Variants in E2F3 observed in about 807,000 individuals in gnomAD.
E2F3 encodes E2F transcription factor 3.
In E2F3, 11 loss-of-function variants were observed where a neutral mutation model predicts 44.4. That is an observed-to-expected ratio of 0.25 (90% CI 0.16 to 0.41). The LOEUF (loss-of-function observed/expected upper bound fraction) is 0.41, where lower values mean the gene tolerates loss of function less well. Among genes scored for constraint, E2F3 ranks in the 10% least tolerant of loss-of-function variants. E2F3 has a pLI of 1.00. For synonymous variants in E2F3, 249 were observed against 253.0 expected (o/e 0.98, Z 0.15); for missense variants, 487 against 583.6 (o/e 0.83, Z 1.70).
Position 20,427,814 on chromosome 6 carries a change from A to C in E2F3, c.393+25189A>C, listed in dbSNP as rs1760265281. The stretch of plus-strand genomic sequence containing the variant: ...CTCCTTGATGATATTTACTATTTAC[A>C]TTTGCATCTCTGATAGTGCTCTTTC... On this transcript the variant is annotated intron_variant, in intron 1 of 6. Transcript: ENST00000346618. Among the ~76,000 whole-genome samples, 2 of 152,078 alleles carry C rather than the reference A, an allele frequency of 1.3e-5. 1 individual carries two copies. Among genetic ancestry groups the C allele is most frequent in the South Asian group, 4.1e-4 (2 of 4,830 alleles).
At chr6:20,480,701 T>C (rs1048453746) in intron 2 of E2F3, among the ~76,000 whole-genome samples, 2 of 152,116 alleles carry the variant, frequency 1.3e-5, no homozygotes, top group African/African-American at 4.8e-5. Context: ...AAATGAAGCA[T>C]TGTTTGGAAA....
chr6:20,456,273 A>G (rs1023145346), intron 1 of E2F3, among the ~76,000 whole-genome samples: 1 of 151,772 alleles, frequency 6.6e-6, no homozygotes, highest in African/African-American at 2.4e-5. Context: ...GACCCAGGGA[A>G]CTCAACCAAG....
chr6:20,456,049 T>C (rs1244119877), intron 1 of E2F3, among the ~76,000 whole-genome samples: 1 of 152,212 alleles, frequency 6.6e-6, no homozygotes, highest in Non-Finnish European at 1.5e-5. Flanking sequence ...CCTTACTTTA[T>C]GTTCTTACCT....
At chr6:20,404,742 G>C (rs1251978426) in intron 1 of E2F3, among the ~76,000 whole-genome samples, 1 of 152,170 alleles carries the variant, frequency 6.6e-6, no homozygotes, top group Non-Finnish European at 1.5e-5. Flanking sequence ...AGTGACTAGG[G>C]TCTGCCAGCA....
chr6:20,478,482 T>C (rs779617220), intron 1 of E2F3, among the ~76,000 whole-genome samples: 1 of 152,182 alleles, frequency 6.6e-6, no homozygotes, highest in Non-Finnish European at 1.5e-5. Context: ...AAGTTATTAC[T>C]TACGTTTTCA....
At chr6:20,487,858 C>G (rs1762439965) in intron 5 of E2F3, among the ~76,000 whole-genome samples, 1 of 152,150 alleles carries the variant, frequency 6.6e-6, no homozygotes, top group Admixed American at 6.5e-5. Flanking sequence ...CAATAATAAA[C>G]AATGGGAATG....
At chr6:20,420,492 T>G (rs1156425229) in intron 1 of E2F3, among the ~76,000 whole-genome samples, 2 of 152,082 alleles carry the variant, frequency 1.3e-5, no homozygotes, top group African/African-American at 4.8e-5. Flanking sequence ...ACCTCAGAGA[T>G]ATTGCAGGTC....
chr6:20,488,065 AT>A (rs1762447112), intron 5 of E2F3, 47 bp from the exon 6 acceptor site: 1 of 1,597,928 alleles, frequency 6.3e-7, no homozygotes, highest in African/African-American at 1.4e-5. Flanking sequence ...TATGGCTTTT[AT>A]TTCTAAAAGA....
In E2F3 at chr6:20,487,842, C is replaced by G. The variant is rs1328246689; in HGVS notation, c.1000-271C>G. On this transcript the variant is annotated intron_variant, in intron 5 of 6. Coordinates refer to ENST00000346618, the MANE Select transcript of E2F3 (RefSeq NM_001949.5). ...TCTGACATTGTGATACGAAAACAGC[C>G]AGAGGCAATAATAAACAATGGGAAT... Among the ~76,000 whole-genome samples the G allele has an allele frequency of 4.6e-5, 7 of 152,158 alleles. No individual in the cohort carries two copies. In the East Asian group the frequency reaches 1.3e-3, roughly 29 times the overall value.
chr6:20,470,920 A>G (rs1275535803), intron 1 of E2F3, among the ~76,000 whole-genome samples: 1 of 152,234 alleles, frequency 6.6e-6, no homozygotes, highest in African/African-American at 2.4e-5. Flanking sequence ...GACATTCAAC[A>G]GTCTAGAAAA....
rs1760607873 is a variant in E2F3 at position 20,436,969 on chromosome 6, A to G, written c.393+34344A>G. On this transcript the variant is annotated intron_variant, in intron 1 of 6. Transcript: ENST00000346618. ...ACCCCATCTCCACGAGAATGTTAAA[A>G]ATTAGCCAGGTGTGGTGGCATGTAC... is the stretch of plus-strand genomic sequence containing the variant. Among the ~76,000 whole-genome samples the G allele has an allele frequency of 2.6e-5, 4 of 152,158 alleles. No individual in the cohort carries two copies. The South Asian group carries it at 6.2e-4, about 24-fold the overall frequency.
At chr6:20,473,289 CTT>C (rs879348221) in intron 1 of E2F3, among the ~76,000 whole-genome samples, 15 of 152,174 alleles carry the variant, frequency 9.9e-5, no homozygotes, top group Non-Finnish European at 1.9e-4. Context: ...TTTTCACAAT[CTT>C]TTCATGAAGT....
intron 1 of E2F3, among the ~76,000 whole-genome samples, chr6:20,407,768 T>C (rs533686158): frequency 6.6e-6 from 1 of 152,360 alleles, no homozygotes; most frequent in South Asian, 2.1e-4. Context: ...AATATTCCAT[T>C]TGTAGGACCA....
At chr6:20,422,189 C>T (rs1443729169) in intron 1 of E2F3, among the ~76,000 whole-genome samples, 4 of 152,208 alleles carry the variant, frequency 2.6e-5, no homozygotes, top group African/African-American at 2.4e-5. Context: ...CTTGCTGCTT[C>T]GCGTTGCACT....
chr6:20,461,706 T>C (rs1486125887), intron 1 of E2F3, among the ~76,000 whole-genome samples: 1 of 152,254 alleles, frequency 6.6e-6, no homozygotes, highest in Admixed American at 6.5e-5. Flanking sequence ...CTACTATATT[T>C]GTGTGATTGG....
intron 1 of E2F3, among the ~76,000 whole-genome samples, chr6:20,466,216 G>A (rs1362804089): frequency 1.1e-4 from 17 of 152,034 alleles, no homozygotes; most frequent in Admixed American, 2.6e-4. Context: ...AGGTTCAAGC[G>A]ATTCTCCTAC....
At chr6:20,410,746 G>A (rs1561847082) in intron 1 of E2F3, among the ~76,000 whole-genome samples, 1 of 152,120 alleles carries the variant, frequency 6.6e-6, no homozygotes, top group Non-Finnish European at 1.5e-5. Flanking sequence ...AGCCTCCCCC[G>A]TAACTGGGAT....
intron 1 of E2F3, among the ~76,000 whole-genome samples, chr6:20,412,055 C>G (rs1427533872): frequency 6.6e-6 from 1 of 152,114 alleles, no homozygotes; most frequent in African/African-American, 2.4e-5. Flanking sequence ...TGTGATCCGC[C>G]CACTCTTGAG....
At chr6:20,428,317 G>A (rs777085733) in intron 1 of E2F3, among the ~76,000 whole-genome samples, 3 of 152,038 alleles carry the variant, frequency 2.0e-5, no homozygotes, top group East Asian at 1.9e-4. Flanking sequence ...TCTGCTTCCC[G>A]GATTCAAGCG....
Sources: gnomAD v4.1 joint callset for allele counts (sites outside exome capture counted in the v4.1 genomes callset) on GRCh38, gnomAD v4.1.1 for gene constraint, MANE v1.5 for transcripts, NCBI Gene and HGNC (gene_info 2026-07-23, HGNC 2026-07-21) for gene names.